The following GPC6 variants were observed in gnomAD, a reference collection of about 807,000 sequenced individuals.
The protein encoded by GPC6 is glypican 6.
GPC6 carries 14 observed loss-of-function variants against 55.2 expected under a neutral mutation model. The observed-to-expected ratio is 0.25, with a 90% CI of 0.17 to 0.40. GPC6 has a LOEUF of 0.40. GPC6 is among the 10% of genes least tolerant of loss of function. The pLI is 1.00. For missense variants in GPC6, 641 were observed against 708.5 expected (o/e 0.90, Z 1.08); for synonymous variants, 278 against 259.6 (o/e 1.07, Z -0.68).
At chr13:93,485,840 A>G (rs924808709) in intron 1 of GPC6, among the ~76,000 whole-genome samples, 1 of 152,120 alleles carries the variant, frequency 6.6e-6, no homozygotes, top group African/African-American at 2.4e-5. Flanking sequence ...CCAGGTAATG[A>G]TGGGGTATAT....
chr13:93,888,043 C>T (rs2140315334), intron 3 of GPC6, among the ~76,000 whole-genome samples: 2 of 152,146 alleles, frequency 1.3e-5, no homozygotes, highest in Admixed American at 6.6e-5. Context: ...ACCAAGAATG[C>T]CTTGAAACAT....
In GPC6 at chr13:93,758,102, G is replaced by T. The variant is rs369729129; in HGVS notation, c.320-72052G>T. Among the ~76,000 whole-genome samples, 5 of 152,180 alleles carry T rather than the reference G, an allele frequency of 3.3e-5. No homozygotes were observed. In the East Asian group the frequency reaches 7.7e-4, roughly 23 times the overall value. Reference sequence around the variant, plus strand: ...ATAACAGGTTTGTGGATATGGAAGTGCAACCACATTAACTGAATTTGGTCC... The same window carrying T: ...ATAACAGGTTTGTGGATATGGAAGTTCAACCACATTAACTGAATTTGGTCC... On this transcript the variant is annotated intron_variant, in intron 2 of 8. Transcript: ENST00000377047.
intron 2 of GPC6, among the ~76,000 whole-genome samples, chr13:93,804,128 AATTG>A (rs1395518622): frequency 2.0e-5 from 3 of 152,284 alleles, no homozygotes; most frequent in Admixed American, 1.3e-4. Flanking sequence ...GCATAGCATA[AATTG>A]ATTGATAGAT....
chr13:93,638,733 C>G (rs527592193), intron 2 of GPC6, among the ~76,000 whole-genome samples: 1 of 152,026 alleles, frequency 6.6e-6, no homozygotes, highest in African/African-American at 2.4e-5. Flanking sequence ...TATACAAAAA[C>G]GAATAATCAC....
chr13:94,289,071 C>T (rs1225159287), intron 5 of GPC6, among the ~76,000 whole-genome samples: 2 of 150,282 alleles, frequency 1.3e-5, no homozygotes, highest in African/African-American at 4.9e-5. Context: ...AGCTGTGTAG[C>T]TAGAACACAG....
rs143417321 is a variant in GPC6, at chr13:94,139,466, G to T, written c.877+111572G>T. ...GCTAAATAAATATCTCCAGATTGGGGCTCCTTGGATCTCTCATTTCTTCTG... is the reference window on the plus strand; with the variant it reads ...GCTAAATAAATATCTCCAGATTGGGTCTCCTTGGATCTCTCATTTCTTCTG... On this transcript the variant is annotated intron_variant, in intron 4 of 8. Coordinates refer to ENST00000377047, the MANE Select transcript of GPC6 (RefSeq NM_005708.5). Among the ~76,000 whole-genome samples, 13 of 152,254 alleles carry T rather than the reference G, an allele frequency of 8.5e-5. No homozygotes were observed. The East Asian group carries it at 2.5e-3, about 29-fold the overall frequency.
At chr13:93,720,386 T>G (rs1883411842) in intron 2 of GPC6, among the ~76,000 whole-genome samples, 1 of 152,102 alleles carries the variant, frequency 6.6e-6, no homozygotes, top group Non-Finnish European at 1.5e-5. Flanking sequence ...TGATGGTAGT[T>G]TGTATTTCTG....
At chr13:94,185,303 C>A (rs1889136597) in intron 4 of GPC6, among the ~76,000 whole-genome samples, 1 of 146,922 alleles carries the variant, frequency 6.8e-6, no homozygotes, top group African/African-American at 2.5e-5. Context: ...ACAAAATCAA[C>A]CAACCATAAA....
At chr13:94,182,799 A>C (rs1311947009) in intron 4 of GPC6, among the ~76,000 whole-genome samples, 1 of 152,102 alleles carries the variant, frequency 6.6e-6, no homozygotes, top group South Asian at 2.1e-4. Context: ...TATTTTTGAG[A>C]CAGGGTCTCA....
intron 1 of GPC6, among the ~76,000 whole-genome samples, chr13:93,496,837 C>G (rs577013444): frequency 2.0e-5 from 3 of 152,232 alleles, no homozygotes; most frequent in Non-Finnish European, 4.4e-5. Context: ...TAAGATGTGC[C>G]TGACACAGAG....
intron 1 of GPC6, among the ~76,000 whole-genome samples, chr13:93,493,437 C>A (rs1210289748): frequency 9.9e-6 from 1 of 100,712 alleles, no homozygotes; most frequent in Admixed American, 1.0e-4. Context: ...GTCTTGCTAG[C>A]GGTCTATCAA....
chr13:94,251,267 A>G (rs1486143379), intron 4 of GPC6, among the ~76,000 whole-genome samples: 1 of 151,108 alleles, frequency 6.6e-6, no homozygotes, highest in Non-Finnish European at 1.5e-5. Flanking sequence ...GAGCACATGG[A>G]TATAAGGAGG....
intron 1 of GPC6, among the ~76,000 whole-genome samples, chr13:93,499,055 C>G (rs1354598679): frequency 6.6e-6 from 1 of 150,668 alleles, no homozygotes; most frequent in Admixed American, 6.7e-5. Flanking sequence ...AGTAAGGAAA[C>G]AAAAATTAAC....
intron 2 of GPC6, among the ~76,000 whole-genome samples, chr13:93,594,658 C>T (rs931477647): frequency 3.9e-5 from 6 of 151,924 alleles, no homozygotes; most frequent in Admixed American, 2.6e-4. Flanking sequence ...GTTGCCATAA[C>T]AAAATGCCAT....
chr13:93,861,215 A>G (rs1359933309), intron 3 of GPC6, among the ~76,000 whole-genome samples: 1 of 151,372 alleles, frequency 6.6e-6, no homozygotes, highest in African/African-American at 2.4e-5. Context: ...TCTATTTCAC[A>G]GTAGTAAAAA....
At chr13:93,713,811 G>A (rs16949133) in intron 2 of GPC6, among the ~76,000 whole-genome samples, 6,190 of 151,684 alleles carry the variant, frequency 0.041, 424 homozygotes, top group African/African-American at 0.14. Context: ...CTACATATTT[G>A]GTAACGAAGG....
chr13:93,967,078 T>C lies in GPC6; in HGVS notation c.712-60651T>C, dbSNP rs115589824. ...TGAGAAAGGGAAACTTGAGGGAAGG[T>C]CTCCAAATACAGAAAAGGATGATGA... On this transcript the variant is annotated intron_variant, in intron 3 of 8. Transcript: ENST00000377047. 3.5e-3 allele frequency among the ~76,000 whole-genome samples: 539 copies of C among 152,206 alleles called. 5 individuals carry two copies. The highest frequency in any genetic ancestry group is 0.013 in the African/African-American group (523 of 41,524).
intron 3 of GPC6, among the ~76,000 whole-genome samples, chr13:93,927,717 A>G (rs1877936087): frequency 6.6e-6 from 1 of 151,732 alleles, no homozygotes; most frequent in African/African-American, 2.4e-5. Flanking sequence ...TTGGTGCATG[A>G]TAACAACATT....
intron 1 of GPC6, among the ~76,000 whole-genome samples, chr13:93,410,244 T>G (rs1876444775): frequency 1.3e-5 from 2 of 152,180 alleles, no homozygotes; most frequent in Non-Finnish European, 2.9e-5. Flanking sequence ...ATAGGTTGCA[T>G]TTTTTCCAAT....
Sources: gnomAD v4.1 joint callset for allele counts (sites outside exome capture counted in the v4.1 genomes callset) on GRCh38, gnomAD v4.1.1 for gene constraint, MANE v1.5 for transcripts, NCBI Gene and HGNC (gene_info 2026-07-23, HGNC 2026-07-21) for gene names.